The following PSMG2 variants were observed in gnomAD, a reference collection of about 807,000 sequenced individuals.
PSMG2 encodes CD40 ligand-activated specific transcript 3.
PSMG2 carries 21 observed loss-of-function variants against 31.5 expected under a neutral mutation model. The ratio of observed to expected loss-of-function variants is 0.67; its 90% CI spans 0.47 to 0.96. The LOEUF is 0.96. PSMG2 is among the 40% of genes least tolerant of loss of function. PSMG2 has a pLI of 0.00. For missense variants in PSMG2, 318 were observed against 321.2 expected (o/e 0.99, Z 0.08); for synonymous variants, 120 against 110.4 (o/e 1.09, Z -0.54).
chr18:12,720,601 C>T lies in PSMG2; in HGVS notation c.499C>T (p.Arg167Trp), dbSNP rs765937525. The change falls in exon 5 of 7, where the codon CGG (arginine) becomes TGG (tryptophan). Residue 167 changes from arginine to tryptophan, a missense_variant. Physicochemically the swap from Arg to Trp is moderately radical, Grantham distance 101. Coordinates refer to ENST00000317615, the MANE Select transcript of PSMG2 (RefSeq NM_020232.5). ...TAACTGGGAAGAAATGGAAAAAAGC[C>T]GGTGCATTCCTGAAATAGATGATTC... is the stretch of plus-strand genomic sequence containing the variant. ...SLNWEEMEKS[R>W]CIPEIDDSEF... 44 of 1,613,418 alleles carry T rather than the reference C, an allele frequency of 2.7e-5. No individual in the cohort carries two copies. The highest frequency in any genetic ancestry group is 9.3e-5 in the African/African-American group (7 of 74,886).
intron 1 of PSMG2, chr18:12,691,378 A>T (rs1334655614): frequency 3.8e-6 from 6 of 1,580,114 alleles, no homozygotes; most frequent in Non-Finnish European, 5.2e-6. Flanking sequence ...AATCTTAACC[A>T]GTCGTGAGTT....
In PSMG2 at chr18:12,706,738, CT is replaced by C; in HGVS notation, c.229+19del. ...ATGCTGAAGGTATGTAAGACTTTAC[CT>C]TGTATTTTTCCACTACAAAGTAGAG... On this transcript the variant is annotated intron_variant, in intron 2 of 6. Transcript: ENST00000317615. The C allele has an allele frequency of 6.4e-7, 1 of 1,571,636 alleles. No homozygotes were observed. Among genetic ancestry groups the C allele is most frequent in the South Asian group, 1.2e-5 (1 of 86,016 alleles).
intron 1 of PSMG2, among the ~76,000 whole-genome samples, chr18:12,678,673 C>T (rs1054532325): frequency 5.3e-5 from 8 of 151,948 alleles, no homozygotes; most frequent in African/African-American, 1.9e-4. Context: ...TCTATGTATA[C>T]TGTTAAGATC....
intron 3 of PSMG2, among the ~76,000 whole-genome samples, chr18:12,714,142 G>A (rs904739218): frequency 1.3e-5 from 2 of 152,200 alleles, no homozygotes; most frequent in Non-Finnish European, 2.9e-5. Flanking sequence ...CTGTATATCT[G>A]TGCTAATACA....
chr18:12,661,855 A>AT (rs1471939087), intron 1 of PSMG2: 1 of 161,796 alleles, frequency 6.2e-6, no homozygotes, highest in Non-Finnish European at 1.4e-5. Context: ...CATTGATTGT[A>AT]TTTTTACTCT....
intron 1 of PSMG2, chr18:12,672,828 T>C (rs1480090126): frequency 2.8e-5 from 28 of 984,728 alleles, no homozygotes; most frequent in Non-Finnish European, 3.4e-5. Flanking sequence ...GGTCCAACCA[T>C]AAATTTCTGG....
At chr18:12,711,827 C>T (rs796728630) in intron 2 of PSMG2, among the ~76,000 whole-genome samples, 32 of 143,754 alleles carry the variant, frequency 2.2e-4, no homozygotes, top group African/African-American at 8.0e-4. Flanking sequence ...GATCTCTGCT[C>T]ACTGCAAGCT....
At chr18:12,684,896 GTAAT>G (rs1408472336) in intron 1 of PSMG2, 1 of 152,078 alleles carries the variant, frequency 6.6e-6, no homozygotes, top group Non-Finnish European at 1.5e-5. Flanking sequence ...TTCAAAAAGT[GTAAT>G]TAAATATACA....
chr18:12,662,625 A>G (rs933600), intron 1 of PSMG2, among the ~76,000 whole-genome samples: 36,092 of 152,044 alleles, frequency 0.24, 4,972 homozygotes, highest in Non-Finnish European at 0.32. Flanking sequence ...AAAATACAAA[A>G]AAGTAACCAG....
intron 1 of PSMG2, chr18:12,684,387 T>C (rs1331603909): frequency 2.0e-5 from 3 of 152,096 alleles, no homozygotes; most frequent in Admixed American, 6.6e-5. Flanking sequence ...AGTGCTGGAA[T>C]TGCGGGCATG....
intron 1 of PSMG2, among the ~76,000 whole-genome samples, chr18:12,683,713 T>TGCA (rs1359663575): frequency 2.0e-5 from 3 of 151,770 alleles, no homozygotes; most frequent in Admixed American, 6.6e-5. Flanking sequence ...ATCATGCCAT[T>TGCA]GCACTCCAGC....
At chr18:12,678,487 A>G (rs12966424) in intron 1 of PSMG2, 567,356 of 1,334,932 alleles carry the variant, frequency 0.43, 123,699 homozygotes, top group Non-Finnish European at 0.46. Flanking sequence ...TAAAAATTAA[A>G]AAGGCAGCAT....
intron 5 of PSMG2, among the ~76,000 whole-genome samples, chr18:12,723,786 A>C (rs541690742): frequency 6.6e-6 from 1 of 152,250 alleles, no homozygotes; most frequent in Non-Finnish European, 1.5e-5. Context: ...TTTTGCCTCC[A>C]CTACCTCCTT....
chr18:12,698,110 AAATT>A (rs1204504752), upstream of PSMG2, among the ~76,000 whole-genome samples: 3 of 151,990 alleles, frequency 2.0e-5, no homozygotes, highest in Non-Finnish European at 2.9e-5. Flanking sequence ...AAAAAAGAAA[AAATT>A]AAAATGACAG....
At chr18:12,702,751 G>GT (rs2040203965), upstream of PSMG2, 1 of 602,760 alleles carries the variant, frequency 1.7e-6, no homozygotes, top group East Asian at 3.1e-5. Flanking sequence ...GGCGCCAACT[G>GT]TTTTCAAACA....
At position 12,687,773 on chromosome 18, in the gene PSMG2, AAC is replaced by A. The variant is rs532603431; in HGVS notation, c.-36-18775_-36-18774del. ...TGGCCTAGAGGGCACCGATTTTTAA[AAC>A]AGAGGATTATTATTCTAATTTTGGG... On this transcript the variant is annotated intron_variant, in intron 1 of 6. Transcript: ENST00000585331. Among the ~76,000 whole-genome samples, 171 of 151,950 alleles carry A rather than the reference AAC, an allele frequency of 1.1e-3. 1 individual carries two copies. Among genetic ancestry groups the A allele is most frequent in the East Asian group, 7.2e-3 (37 of 5,158 alleles).
In PSMG2 at chr18:12,724,620, G is replaced by C; in HGVS notation, c.702+1G>C. On this transcript the variant is annotated splice_donor_variant, in intron 6 of 6. Transcript: ENST00000317615. LOFTEE classifies it high-confidence loss of function. Reference sequence around the variant, plus strand: ...GTGGCTTCAGATACTCAAACCACTTGTAAGTTCTATTATAGCTTAAGCCTC... The same window carrying C: ...GTGGCTTCAGATACTCAAACCACTTCTAAGTTCTATTATAGCTTAAGCCTC... 1 of 1,597,824 alleles carries C rather than the reference G, an allele frequency of 6.3e-7. No individual in the cohort carries two copies. The highest frequency in any genetic ancestry group is 2.3e-5 in the East Asian group (1 of 43,842).
intron 1 of PSMG2, chr18:12,680,805 G>A (rs1471799094): frequency 6.2e-7 from 1 of 1,610,644 alleles, no homozygotes; most frequent in Admixed American, 1.7e-5. Flanking sequence ...TGCACAGAAG[G>A]TTAGCGTGAT....
intron 1 of PSMG2, among the ~76,000 whole-genome samples, chr18:12,703,380 T>C (rs972992015): frequency 2.6e-5 from 4 of 152,252 alleles, no homozygotes; most frequent in African/African-American, 9.6e-5. Flanking sequence ...GTCTACAATT[T>C]GTAGTCTCTG....
Sources: allele counts gnomAD v4.1 joint callset (sites outside exome capture counted in the v4.1 genomes callset), GRCh38; gene constraint gnomAD v4.1.1; transcripts MANE v1.5; gene names NCBI Gene and HGNC (gene_info 2026-07-23, HGNC 2026-07-21).